DCC: variants seen among roughly 807,000 people sequenced by gnomAD.
The protein encoded by DCC is netrin receptor DCC.
DCC carries 58 observed loss-of-function variants against 172.5 expected under a neutral mutation model. The ratio of observed to expected loss-of-function variants is 0.34; its 90% confidence interval spans 0.27 to 0.42. DCC has a LOEUF of 0.42. Among genes scored for constraint, DCC ranks in the 10% least tolerant of loss-of-function variants. DCC has a pLI of 1.00. For missense variants in DCC, 1,740 were observed against 1,791.0 expected, an observed-to-expected ratio of 0.97 and a Z score of 0.51; for synonymous variants, 709 against 644.5, an observed-to-expected ratio of 1.10 and a Z score of -1.52.
At chr18:53,076,401 A>C (rs1312242257) in intron 7 of DCC, among the ~76,000 whole-genome samples, 1 of 152,080 alleles carries the variant, frequency 6.6e-6, no homozygotes, top group Non-Finnish European at 1.5e-5. Flanking sequence ...CTAGACATAT[A>C]CTAGACCCTA....
chr18:53,481,898 T>C (rs60702180), intron 25 of DCC, among the ~76,000 whole-genome samples: 8,002 of 152,256 alleles, frequency 0.053, 620 homozygotes, highest in African/African-American at 0.17. Flanking sequence ...ATGTCAGAGA[T>C]AAATTCAATT....
intron 5 of DCC, among the ~76,000 whole-genome samples, chr18:52,963,842 T>TA (rs1555688588): frequency 2.0e-5 from 3 of 151,850 alleles, no homozygotes; most frequent in African/African-American, 4.8e-5. Context: ...TTTTTTTTTT[T>TA]ATCCAAACTC....
At chr18:52,798,274 G>GAAAACA (rs1156722376) in intron 2 of DCC, among the ~76,000 whole-genome samples, 2 of 152,188 alleles carry the variant, frequency 1.3e-5, no homozygotes, top group Non-Finnish European at 2.9e-5. Flanking sequence ...ATAGAGTAGA[G>GAAAACA]AAAACAAAAA....
chr18:52,902,954 A>G (rs1226647430), intron 2 of DCC, among the ~76,000 whole-genome samples: 1 of 152,176 alleles, frequency 6.6e-6, no homozygotes, highest in Non-Finnish European at 1.5e-5. Flanking sequence ...CTGGCTTGTT[A>G]AGATCTGAAA....
intron 15 of DCC, among the ~76,000 whole-genome samples, chr18:53,383,031 T>G (rs773762652): frequency 3.3e-5 from 5 of 152,106 alleles, no homozygotes; most frequent in Non-Finnish European, 7.4e-5. Context: ...TGTAATTTAA[T>G]GAAGTATTAT....
chr18:53,418,798 G>A (rs957557411), intron 21 of DCC, among the ~76,000 whole-genome samples: 1 of 152,162 alleles, frequency 6.6e-6, no homozygotes, highest in Admixed American at 6.5e-5. Context: ...TTGATTTGGA[G>A]AAAATATTTT....
chr18:53,219,300 CTG>C (rs1250374621), intron 12 of DCC, among the ~76,000 whole-genome samples: 1 of 152,114 alleles, frequency 6.6e-6, no homozygotes, highest in Non-Finnish European at 1.5e-5. Flanking sequence ...ACATCTGTGC[CTG>C]TGTTTCTAAC....
At chr18:53,286,252 CTCCCACAAT>C (rs1335208469) in intron 12 of DCC, among the ~76,000 whole-genome samples, 1 of 152,060 alleles carries the variant, frequency 6.6e-6, no homozygotes, top group African/African-American at 2.4e-5. Context: ...TGAATTTTAA[CTCCCACAAT>C]TCCCACATGT....
intron 2 of DCC, among the ~76,000 whole-genome samples, chr18:52,815,443 C>A (rs1181897548): frequency 6.6e-6 from 1 of 151,926 alleles, no homozygotes; most frequent in Admixed American, 6.6e-5. Flanking sequence ...CACACGTTCT[C>A]TCTCCACGTC....
rs145208735 is a variant in DCC at position 52,767,445 on chromosome 18, G to T, written c.412+15071G>T. Among the ~76,000 whole-genome samples the T allele has an allele frequency of 7.4e-3, 1,119 of 152,216 alleles. 14 individuals carry two copies. The highest frequency in any genetic ancestry group is 0.026 in the African/African-American group (1,059 of 41,526). ...AGGCAGCCTTTAACATATCACAAAA[G>T]TAAATGGTCATTACAGACATAAAAA... On this transcript the variant is annotated intron_variant, in intron 2 of 28. Coordinates refer to ENST00000442544, the MANE Select transcript of DCC (RefSeq NM_005215.4).
chr18:52,449,675 G>A lies in DCC; in HGVS notation c.91+108797G>A, dbSNP rs112369867. On this transcript the variant is annotated intron_variant, in intron 1 of 28. Transcript: ENST00000442544. ...ATGTACTCTGATATGGTTTGGGGGT[G>A]TCCCCACCCAAATCTTACCTTTAAT... is the stretch of plus-strand genomic sequence containing the variant. 7.5e-3 allele frequency among the ~76,000 whole-genome samples: 1,138 copies of A among 152,292 alleles called. 21 individuals are homozygous for A. The highest frequency in any genetic ancestry group is 0.026 in the African/African-American group (1,092 of 41,562).
intron 28 of DCC, among the ~76,000 whole-genome samples, chr18:53,528,887 C>A (rs1462275222): frequency 6.6e-6 from 1 of 151,974 alleles, no homozygotes; most frequent in Non-Finnish European, 1.5e-5. Flanking sequence ...ATAATAGTTA[C>A]ATGTGGCTAG....
Position 53,534,109 on chromosome 18 carries a change from G to A in DCC, c.*3456G>A, listed in dbSNP as rs2046549971. ...ACTTTGTTTAAATAATCATCTTATG[G>A]TTGTCCCCAAATGTAATATGGTATC... is the stretch of plus-strand genomic sequence containing the variant. On this transcript the variant is annotated 3_prime_UTR_variant, in exon 29 of 29. Transcript: ENST00000442544. The A allele has an allele frequency of 6.6e-6, 1 of 152,064 alleles. No individual in the cohort carries two copies. The highest frequency in any genetic ancestry group is 1.5e-5 in the Non-Finnish European group (1 of 68,022). The allele number at this position is 152,064 out of a possible 1,614,324, so 9.4% of individuals were successfully genotyped here.
chr18:52,573,573 G>A (rs2144762923), intron 1 of DCC, among the ~76,000 whole-genome samples: 3 of 152,238 alleles, frequency 2.0e-5, no homozygotes, highest in Middle Eastern at 3.4e-3. Context: ...TTTCATTTGT[G>A]GTGTTTTCAT....
At chr18:53,121,768 G>C (rs1266120437) in intron 7 of DCC, among the ~76,000 whole-genome samples, 1 of 151,662 alleles carries the variant, frequency 6.6e-6, no homozygotes, top group Non-Finnish European at 1.5e-5. Context: ...TCTGTTTGGG[G>C]TACATATTTT....
At chr18:52,547,646 T>C (rs185534526) in intron 1 of DCC, among the ~76,000 whole-genome samples, 5 of 152,134 alleles carry the variant, frequency 3.3e-5, no homozygotes, top group Admixed American at 2.6e-4. Context: ...TAAGGCTTTA[T>C]AGGGAAAATG....
At chr18:53,166,638 A>G (rs2054926776) in intron 8 of DCC, among the ~76,000 whole-genome samples, 1 of 152,208 alleles carries the variant, frequency 6.6e-6, no homozygotes, top group African/African-American at 2.4e-5. Flanking sequence ...TCAAGTGTGT[A>G]TTAGATGTTG....
chr18:53,061,551 G>C (rs937633566), intron 5 of DCC, among the ~76,000 whole-genome samples: 1 of 152,008 alleles, frequency 6.6e-6, no homozygotes, highest in African/African-American at 2.4e-5. Context: ...GGGAAAGGAG[G>C]GTTAGAAAGG....
chr18:52,651,882 G>T (rs969886271), intron 1 of DCC, among the ~76,000 whole-genome samples: 3 of 152,090 alleles, frequency 2.0e-5, no homozygotes, highest in African/African-American at 7.2e-5. Flanking sequence ...AAATTAACTG[G>T]TTTAGAATTT....
Sources: gnomAD v4.1 joint callset for allele counts (sites outside exome capture counted in the v4.1 genomes callset) on GRCh38, gnomAD v4.1.1 for gene constraint, MANE v1.5 for transcripts, NCBI Gene and HGNC (gene_info 2026-07-23, HGNC 2026-07-21) for gene names.